The following CNTNAP2 variants were observed in gnomAD, a reference collection of about 807,000 sequenced individuals.
The protein encoded by CNTNAP2 is contactin associated protein 2.
A neutral mutation model predicts 155.2 loss-of-function variants in CNTNAP2; 98 were observed. The observed-to-expected ratio is 0.63, with a 90% CI of 0.54 to 0.75. The LOEUF (loss-of-function observed/expected upper bound fraction) is 0.75, where lower values mean the gene tolerates loss of function less well. CNTNAP2 is among the 30% of genes least tolerant of loss of function. CNTNAP2 has a pLI of 0.00. For synonymous variants in CNTNAP2, 651 were observed against 631.2 expected (o/e 1.03, Z -0.47); for missense variants, 1,727 against 1,688.1 (o/e 1.02, Z -0.40).
At chr7:147,458,571 T>C (rs1797962536) in intron 10 of CNTNAP2, among the ~76,000 whole-genome samples, 1 of 152,166 alleles carries the variant, frequency 6.6e-6, no homozygotes, top group African/African-American at 2.4e-5. Context: ...GCTCCTCTAG[T>C]TATGAGCTGA....
rs772266474 is a variant in CNTNAP2, at chr7:147,681,900, G to A, written c.2098+42594G>A. 2.2e-4 allele frequency among the ~76,000 whole-genome samples: 34 copies of A among 151,812 alleles called. 1 individual carries two copies. The highest frequency in any genetic ancestry group is 3.3e-4 in the Admixed American group (5 of 15,172). ...TGGTTTCAGCATCCACTGGGGTCTT[G>A]GAATGTGTCACCCATGGATAAAGGG... On this transcript the variant is annotated intron_variant, in intron 13 of 23. Coordinates refer to ENST00000361727, the MANE Select transcript of CNTNAP2 (RefSeq NM_014141.6).
intron 15 of CNTNAP2, among the ~76,000 whole-genome samples, chr7:148,001,678 A>G (rs1357149137): frequency 6.6e-6 from 1 of 152,228 alleles, no homozygotes; most frequent in African/African-American, 2.4e-5. Context: ...GTGCATCTTA[A>G]TGAGGATGAT....
At chr7:147,169,812 T>G (rs1802190714) in intron 8 of CNTNAP2, among the ~76,000 whole-genome samples, 1 of 152,214 alleles carries the variant, frequency 6.6e-6, no homozygotes, top group Non-Finnish European at 1.5e-5. Flanking sequence ...TTAAAATTTC[T>G]ATTTTGCCTT....
chr7:148,366,821 AC>A (rs1294798202), intron 21 of CNTNAP2, among the ~76,000 whole-genome samples: 1 of 151,390 alleles, frequency 6.6e-6, no homozygotes, highest in Non-Finnish European at 1.5e-5. Flanking sequence ...GAGGAAAATG[AC>A]CCCAAAAAAA....
chr7:148,307,334 C>G (rs945489527), intron 21 of CNTNAP2, among the ~76,000 whole-genome samples: 1 of 152,124 alleles, frequency 6.6e-6, no homozygotes, highest in African/African-American at 2.4e-5. Context: ...CTGTTTTTAG[C>G]TTCACATAAA....
At chr7:148,039,031 G>T (rs1184001795) in intron 15 of CNTNAP2, among the ~76,000 whole-genome samples, 4 of 152,200 alleles carry the variant, frequency 2.6e-5, no homozygotes, top group Non-Finnish European at 5.9e-5. Flanking sequence ...GTACATATGA[G>T]AAGAGATTTA....
At chr7:147,065,436 G>T (rs147095409) in intron 4 of CNTNAP2, among the ~76,000 whole-genome samples, 5 of 152,108 alleles carry the variant, frequency 3.3e-5, no homozygotes, top group African/African-American at 1.2e-4. Context: ...AGAAATTGGG[G>T]CAGTGTAATT....
intron 9 of CNTNAP2, among the ~76,000 whole-genome samples, chr7:147,373,644 T>C (rs1376032406): frequency 3.3e-5 from 5 of 152,098 alleles, no homozygotes; most frequent in Non-Finnish European, 5.9e-5. Flanking sequence ...GAACTGTTTC[T>C]AGTTGTAAAC....
chr7:146,720,937 CTTTCTCTATATAT>C (rs1563202717), intron 1 of CNTNAP2, among the ~76,000 whole-genome samples: 5 of 134,536 alleles, frequency 3.7e-5, no homozygotes, highest in African/African-American at 1.5e-4. Context: ...TATATATATA[CTTTCTCTATATAT>C]TCTATATATA....
chr7:147,737,494 C>T (rs1014320428), intron 13 of CNTNAP2, among the ~76,000 whole-genome samples: 1 of 152,148 alleles, frequency 6.6e-6, no homozygotes, highest in Non-Finnish European at 1.5e-5. Flanking sequence ...GGCAGTCTGT[C>T]CGTTCGCAGA....
In CNTNAP2 at chr7:147,196,791, C is replaced by T. The variant is rs775035357; in HGVS notation, c.1348+64282C>T. On this transcript the variant is annotated intron_variant, in intron 8 of 23. Transcript: ENST00000361727. ...GTGAAAGAGCAACTACTGAATGACG[C>T]GAAAAATATACAGCTAAGAGTGTGC... is the stretch of plus-strand genomic sequence containing the variant. 1.8e-4 allele frequency among the ~76,000 whole-genome samples: 28 copies of T among 152,066 alleles called. 1 individual carries two copies. Among genetic ancestry groups the T allele is most frequent in the Admixed American group, 1.7e-3 (26 of 15,258 alleles).
At chr7:147,947,372 C>G (rs987583577) in intron 14 of CNTNAP2, among the ~76,000 whole-genome samples, 5 of 147,196 alleles carry the variant, frequency 3.4e-5, no homozygotes, top group Non-Finnish European at 1.5e-5. Context: ...AATCCCAGCA[C>G]TTTGGGAGGC....
chr7:147,378,064 T>C, intron 9 of CNTNAP2: 1 of 466,126 alleles, frequency 2.1e-6, no homozygotes, highest in Non-Finnish European at 4.4e-6. Context: ...GTTTTTGTCA[T>C]TACTTTTAAT....
chr7:147,964,850 G>C (rs1407322607), intron 14 of CNTNAP2, among the ~76,000 whole-genome samples: 1 of 152,170 alleles, frequency 6.6e-6, no homozygotes, highest in East Asian at 1.9e-4. Context: ...CTAATTAACT[G>C]AAGTTTTAGA....
chr7:146,939,122 C>G (rs977570570), intron 3 of CNTNAP2, among the ~76,000 whole-genome samples: 1 of 151,980 alleles, frequency 6.6e-6, no homozygotes, highest in Non-Finnish European at 1.5e-5. Context: ...TAGGTATTGA[C>G]CAAAGAAACA....
At chr7:146,844,462 G>A (rs969566448) in intron 3 of CNTNAP2, among the ~76,000 whole-genome samples, 2 of 152,038 alleles carry the variant, frequency 1.3e-5, no homozygotes, top group African/African-American at 4.8e-5. Context: ...ACTCTAATTT[G>A]CATGATTATC....
intron 9 of CNTNAP2, among the ~76,000 whole-genome samples, chr7:147,347,941 C>T (rs1303612580): frequency 1.3e-5 from 2 of 151,884 alleles, no homozygotes; most frequent in African/African-American, 4.8e-5. Context: ...AAAGGGTAGT[C>T]TCTTCAATAA....
At chr7:146,837,221 C>G (rs926037484) in intron 2 of CNTNAP2, among the ~76,000 whole-genome samples, 7 of 152,084 alleles carry the variant, frequency 4.6e-5, no homozygotes, top group Non-Finnish European at 7.4e-5. Flanking sequence ...CAATGTCTCA[C>G]AACTTACTGG....
chr7:147,256,442 TG>T (rs1268456678), intron 8 of CNTNAP2, among the ~76,000 whole-genome samples: 1 of 152,096 alleles, frequency 6.6e-6, no homozygotes, highest in Admixed American at 6.5e-5. Flanking sequence ...GGTGTAAAAA[TG>T]GCATGATAAG....
Sources: gnomAD v4.1 joint callset for allele counts (sites outside exome capture counted in the v4.1 genomes callset) on GRCh38, gnomAD v4.1.1 for gene constraint, MANE v1.5 for transcripts, NCBI Gene and HGNC (gene_info 2026-07-23, HGNC 2026-07-21) for gene names.